Variants in DNAH6 observed in about 807,000 individuals in gnomAD.
The protein encoded by DNAH6 is axonemal beta dynein heavy chain 6.
Under a neutral mutation model 491.4 loss-of-function variants are expected in DNAH6, and 340 were observed. That is an observed-to-expected ratio of 0.69 (90% CI 0.63 to 0.76). The LOEUF (loss-of-function observed/expected upper bound fraction) is 0.76, where lower values mean the gene tolerates loss of function less well. DNAH6 is among the 30% of genes least tolerant of loss of function. The pLI is 0.00. For synonymous variants in DNAH6, 1,603 were observed against 1,686.1 expected, an observed-to-expected ratio of 0.95 and a Z score of 1.21; for missense variants, 4,443 against 4,972.2, an observed-to-expected ratio of 0.89 and a Z score of 3.20.
chr2:84,470,393 G>C, the DNAH6 span, among the ~76,000 whole-genome samples: 1 of 152,220 alleles, frequency 6.6e-6, no homozygotes, highest in Non-Finnish European at 1.5e-5. Flanking sequence ...TCCACAGACA[G>C]AGCAGCCCTG....
Position 84,719,882 on chromosome 2 carries a change from A to T in DNAH6, c.9792+1498A>T, listed in dbSNP as rs1349163448. Among the ~76,000 whole-genome samples, 4 of 140,880 alleles carry T rather than the reference A, an allele frequency of 2.8e-5. No homozygotes were observed. The East Asian group carries it at 8.2e-4, about 29-fold the overall frequency. The allele number at this position is 140,880 out of a possible 152,430, so 92.4% of individuals were successfully genotyped here. A position where few individuals can be genotyped will look rare whatever the true frequency, so the allele number is the denominator to read the frequency against. On this transcript the variant is annotated intron_variant, in intron 59 of 76. Transcript: ENST00000389394. ...ATCTGTACCTCTAACACACACACAC[A>T]CACACACACACACACAGACACACAC... is the stretch of plus-strand genomic sequence containing the variant.
intron 12 of DNAH6, among the ~76,000 whole-genome samples, chr2:84,576,728 T>C (rs1018127623): frequency 6.6e-6 from 1 of 152,134 alleles, no homozygotes; most frequent in Non-Finnish European, 1.5e-5. Context: ...ATTATCAAAA[T>C]GCAACTGCAG....
chr2:84,818,483 T>TAAA lies in DNAH6; in HGVS notation c.12374-822_12374-821insAAA, dbSNP rs1396895235. ...CTGGGCAAAAGAATGAGACCCTATC[T>TAAA]CAAAAAAAAAAAAAAAAAAAAAAAA... On this transcript the variant is annotated intron_variant, in intron 76 of 76. Coordinates refer to ENST00000389394, the MANE Select transcript of DNAH6 (RefSeq NM_001370.2). Among the ~76,000 whole-genome samples, 89 of 35,532 alleles carry TAAA rather than the reference T, an allele frequency of 2.5e-3. 2 individuals are homozygous for TAAA. Among genetic ancestry groups the TAAA allele is most frequent in the East Asian group, 0.015 (14 of 940 alleles). The allele number at this position is 35,532 out of a possible 152,430, so 23.3% of individuals were successfully genotyped here.
At chr2:84,578,345 A>G (rs1376772605) in intron 13 of DNAH6, among the ~76,000 whole-genome samples, 1 of 152,192 alleles carries the variant, frequency 6.6e-6, no homozygotes, top group Non-Finnish European at 1.5e-5. Context: ...CTTTTTAGCT[A>G]CTGTATGCTC....
chr2:84,520,869 A>G (rs1404619671), intron 2 of DNAH6, among the ~76,000 whole-genome samples: 1 of 152,100 alleles, frequency 6.6e-6, no homozygotes, highest in Non-Finnish European at 1.5e-5. Flanking sequence ...GCTGCAATGA[A>G]CATACACATG....
chr2:84,607,259 A>G (rs956328582), intron 21 of DNAH6, among the ~76,000 whole-genome samples, 164 bp downstream of exon 21: 2 of 152,176 alleles, frequency 1.3e-5, no homozygotes, highest in Non-Finnish European at 2.9e-5. Flanking sequence ...CACAGGTATT[A>G]AGCTCTTCTT....
intron 29 of DNAH6, among the ~76,000 whole-genome samples, chr2:84,629,224 G>T (rs1688167558): frequency 6.6e-6 from 1 of 152,104 alleles, no homozygotes; most frequent in South Asian, 2.1e-4. Context: ...GCTGCAATAA[G>T]CATTATTACA....
intron 61 of DNAH6, among the ~76,000 whole-genome samples, 199 bp downstream of exon 61, chr2:84,728,101 G>A (rs1698810054): frequency 6.6e-6 from 1 of 152,148 alleles, no homozygotes; most frequent in Non-Finnish European, 1.5e-5. Flanking sequence ...GGTTTTATAA[G>A]GGGAAACCCT....
the DNAH6 span, among the ~76,000 whole-genome samples, chr2:84,474,383 G>A: frequency 1.0e-3 from 157 of 152,208 alleles, 4 homozygotes; most frequent in East Asian, 0.028. Context: ...TACCCAAACC[G>A]GTTTGGCAGT....
At position 84,812,339 on chromosome 2, in the gene DNAH6, A is replaced by T; in HGVS notation, c.11740-2A>T. 3 of 1,550,458 alleles carry T rather than the reference A, an allele frequency of 1.9e-6. No individual in the cohort carries two copies. Among genetic ancestry groups the T allele is most frequent in the Admixed American group, 2.0e-5 (1 of 50,688 alleles). On this transcript the variant is annotated splice_acceptor_variant, in intron 72 of 76. Transcript: ENST00000389394. LOFTEE classifies it high-confidence loss of function. ...CCACCAACCCCTTTTTTGTTCTTTC[A>T]GACTTCTCTGGAAACACTCAACAAA...
chr2:84,604,203 T>G, intron 18 of DNAH6, 136 bp from the exon 19 acceptor site: 2 of 674,680 alleles, frequency 3.0e-6, no homozygotes. Flanking sequence ...TTTGCAGTCA[T>G]CCAGATTTTG....
chr2:84,571,070 T>C (rs1681799070), intron 11 of DNAH6, among the ~76,000 whole-genome samples: 1 of 152,214 alleles, frequency 6.6e-6, no homozygotes, highest in African/African-American at 2.4e-5. Flanking sequence ...TGGGACAATT[T>C]GATCACTACC....
intron 22 of DNAH6, among the ~76,000 whole-genome samples, chr2:84,614,845 G>T (rs1323107430): frequency 6.6e-6 from 1 of 151,956 alleles, no homozygotes; most frequent in African/African-American, 2.4e-5. Context: ...GTCTATTCAT[G>T]TCCTTAGCTC....
intron 33 of DNAH6, among the ~76,000 whole-genome samples, chr2:84,645,178 G>A (rs1689776763): frequency 6.6e-6 from 1 of 152,092 alleles, no homozygotes; most frequent in Admixed American, 6.5e-5. Flanking sequence ...CCAACACTTT[G>A]GGAGGATGAG....
chr2:84,706,818 T>C (rs1426952023), intron 52 of DNAH6, 78 bp from the exon 53 acceptor site: 2 of 1,456,974 alleles, frequency 1.4e-6, no homozygotes, highest in Admixed American at 6.8e-5. Context: ...TATAAAATTT[T>C]TTTTAGATCT....
At chr2:84,784,831 G>T in intron 66 of DNAH6, 21 bp downstream of exon 66, 1 of 1,472,192 alleles carries the variant, frequency 6.8e-7, no homozygotes. Context: ...CATATGGTTG[G>T]AACAATGTGA....
chr2:84,504,562 T>C, the DNAH6 span, among the ~76,000 whole-genome samples: 3,566 of 152,282 alleles, frequency 0.023, 81 homozygotes, highest in Non-Finnish European at 0.03. Context: ...CAAAAGGCTT[T>C]CCAGATATTT....
At chr2:84,473,213 A>G in the DNAH6 span, among the ~76,000 whole-genome samples, 1 of 152,208 alleles carries the variant, frequency 6.6e-6, no homozygotes, top group Non-Finnish European at 1.5e-5. Flanking sequence ...AAACTGCCAA[A>G]TTAATTTACC....
At chr2:84,759,228 C>T (rs996883550) in intron 63 of DNAH6, among the ~76,000 whole-genome samples, 1 of 151,710 alleles carries the variant, frequency 6.6e-6, no homozygotes, top group Non-Finnish European at 1.5e-5. Flanking sequence ...AAATACCTGG[C>T]TGGGCGCAGT....
Sources: allele counts gnomAD v4.1 joint callset (sites outside exome capture counted in the v4.1 genomes callset), GRCh38; gene constraint gnomAD v4.1.1; transcripts MANE v1.5; gene names NCBI Gene and HGNC (gene_info 2026-07-23, HGNC 2026-07-21).